HMGA2: variants seen among roughly 807,000 people sequenced by gnomAD.
HMGA2 encodes high mobility group AT-hook 2, also known as high mobility group protein HMGI-C.
HMGA2 carries 8 observed loss-of-function variants against 19.1 expected under a neutral mutation model. The ratio of observed to expected loss-of-function variants is 0.42; its 90% confidence interval spans 0.25 to 0.76. The LOEUF is 0.76. HMGA2 is among the 30% of genes least tolerant of loss of function. The pLI, the probability that HMGA2 is intolerant of heterozygous loss-of-function variation, is 0.28. For synonymous variants in HMGA2, 60 were observed against 48.8 expected, an observed-to-expected ratio of 1.23 and a Z score of -0.96; for missense variants, 109 against 136.3, an observed-to-expected ratio of 0.80 and a Z score of 1.00.
intron 3 of HMGA2, among the ~76,000 whole-genome samples, chr12:65,899,447 C>T (rs1874283263): frequency 6.6e-6 from 1 of 152,168 alleles, no homozygotes; most frequent in Non-Finnish European, 1.5e-5. Flanking sequence ...ACAGGACACA[C>T]GCACTTTGGA....
chr12:65,939,073 G>A (rs943891064), intron 3 of HMGA2, among the ~76,000 whole-genome samples: 2 of 152,210 alleles, frequency 1.3e-5, no homozygotes, highest in Non-Finnish European at 2.9e-5. Flanking sequence ...CAGGCAATGA[G>A]AGGCTTAGAA....
intron 3 of HMGA2, among the ~76,000 whole-genome samples, chr12:65,890,712 C>T (rs1356973090): frequency 6.6e-6 from 1 of 151,206 alleles, no homozygotes; most frequent in South Asian, 2.1e-4. Flanking sequence ...TATTTTACCG[C>T]TTCTTCAGTA....
chr12:65,949,220 C>T (rs1016193835), intron 3 of HMGA2, among the ~76,000 whole-genome samples: 3 of 151,874 alleles, frequency 2.0e-5, no homozygotes, highest in African/African-American at 7.3e-5. Context: ...AATGGAAGAA[C>T]GTCTTTTCCT....
intron 2 of HMGA2, among the ~76,000 whole-genome samples, chr12:65,836,135 G>A (rs777857268): frequency 6.6e-6 from 1 of 151,976 alleles, no homozygotes. Flanking sequence ...AGAGGCGGGC[G>A]GATTACGAGG....
chr12:65,896,312 A>G (rs917348105), intron 3 of HMGA2, among the ~76,000 whole-genome samples: 1 of 152,156 alleles, frequency 6.6e-6, no homozygotes, highest in African/African-American at 2.4e-5. Flanking sequence ...TGGAGTAGGC[A>G]TTTTTCTCAG....
Position 65,937,294 on chromosome 12 carries a change from C to G in HMGA2, c.250-14089C>G, listed in dbSNP as rs560897479. The stretch of plus-strand genomic sequence containing the variant: ...ACAAGCATCTCATTTCAATAGACAA[C>G]TTGTTCCTAGAGTGGGATACTCCCC... On this transcript the variant is annotated intron_variant, in intron 3 of 4. Transcript: ENST00000403681. Among the ~76,000 whole-genome samples the G allele has an allele frequency of 2.6e-5, 4 of 152,266 alleles. No homozygotes were observed. In the South Asian group the frequency reaches 8.3e-4, roughly 32 times the overall value.
chr12:65,839,987 T>C (rs1870924968), intron 3 of HMGA2, among the ~76,000 whole-genome samples: 1 of 152,238 alleles, frequency 6.6e-6, no homozygotes, highest in South Asian at 2.1e-4. Context: ...AATTAACACA[T>C]ACTGTTTGTA....
intron 1 of HMGA2, among the ~76,000 whole-genome samples, chr12:65,827,627 C>T (rs1870271775): frequency 6.6e-6 from 1 of 152,180 alleles, no homozygotes; most frequent in Non-Finnish European, 1.5e-5. Flanking sequence ...TAGTATAATG[C>T]AGAGTGGTGT....
chr12:65,946,178 G>T (rs965249480), intron 3 of HMGA2, among the ~76,000 whole-genome samples: 30 of 152,068 alleles, frequency 2.0e-4, no homozygotes, highest in African/African-American at 6.5e-4. Flanking sequence ...TAGAAGATCT[G>T]TCTTATACTA....
chr12:65,901,384 G>A (rs1565726908), intron 3 of HMGA2, among the ~76,000 whole-genome samples: 2 of 152,052 alleles, frequency 1.3e-5, no homozygotes, highest in Non-Finnish European at 2.9e-5. Flanking sequence ...GTTTCACTTT[G>A]GTTTTACTTA....
chr12:65,912,619 TA>T (rs2121216691), intron 3 of HMGA2, among the ~76,000 whole-genome samples: 1 of 152,316 alleles, frequency 6.6e-6, no homozygotes, highest in Non-Finnish European at 1.5e-5. Flanking sequence ...ACATTGAAGT[TA>T]AAGGAACAAC....
At chr12:65,846,800 G>A (rs968012853) in intron 3 of HMGA2, among the ~76,000 whole-genome samples, 6 of 152,240 alleles carry the variant, frequency 3.9e-5, no homozygotes, top group Middle Eastern at 3.4e-3. Context: ...TGGGTCCTAG[G>A]GATGTCAAGG....
At chr12:65,868,874 G>C (rs979720332) in intron 3 of HMGA2, among the ~76,000 whole-genome samples, 2 of 152,146 alleles carry the variant, frequency 1.3e-5, no homozygotes. Context: ...TTGAAGTTGA[G>C]AAGTAAAGTA....
chr12:65,873,965 G>A (rs965988865), intron 3 of HMGA2: 2 of 152,188 alleles, frequency 1.3e-5, no homozygotes, highest in Non-Finnish European at 2.9e-5. Flanking sequence ...CCAATTAATG[G>A]CCCACAGTTA....
At chr12:65,842,785 T>C in intron 3 of HMGA2, 1 of 1,376,210 alleles carries the variant, frequency 7.3e-7, no homozygotes, top group Non-Finnish European at 9.4e-7. Flanking sequence ...ATTTAATTAT[T>C]TGCATTTTTC....
intron 3 of HMGA2, chr12:65,867,788 G>A: frequency 5.4e-6 from 1 of 185,008 alleles, no homozygotes; most frequent in Non-Finnish European, 1.2e-5. Flanking sequence ...CATCTGAACA[G>A]GACTATAAGC....
At chr12:65,859,408 T>C (rs994809637) in intron 3 of HMGA2, 1 of 152,236 alleles carries the variant, frequency 6.6e-6, no homozygotes, top group African/African-American at 2.4e-5. Flanking sequence ...CAGCATGTCA[T>C]TGCTTTGCTC....
intron 2 of HMGA2, among the ~76,000 whole-genome samples, chr12:65,837,494 G>T (rs1276790455): frequency 6.6e-6 from 1 of 152,164 alleles, no homozygotes; most frequent in Non-Finnish European, 1.5e-5. Context: ...GTGGAACAAG[G>T]TATCCTGGTT....
At chr12:65,838,391 AAC>A (rs937887844) in intron 2 of HMGA2, 126 bp from the exon 3 acceptor site, 124 of 698,532 alleles carry the variant, frequency 1.8e-4, no homozygotes, top group Admixed American at 2.6e-4. Context: ...TGTTAAAAAA[AAC>A]AAAAAAAAAA....
Sources: gnomAD v4.1 joint callset for allele counts (sites outside exome capture counted in the v4.1 genomes callset) on GRCh38, gnomAD v4.1.1 for gene constraint, MANE v1.5 for transcripts, NCBI Gene and HGNC (gene_info 2026-07-23, HGNC 2026-07-21) for gene names.